TENM3: variants seen among roughly 807,000 people sequenced by gnomAD.
TENM3 encodes the protein teneurin transmembrane protein 3, also known as teneurin-3.
A neutral mutation model predicts 255.1 loss-of-function variants in TENM3; 63 were observed. The observed-to-expected ratio is 0.25, with a 90% CI of 0.20 to 0.30. TENM3 has a LOEUF of 0.30. Among genes scored for constraint, TENM3 ranks in the 10% least tolerant of loss-of-function variants. The pLI is 1.00. For synonymous variants in TENM3, 1,306 were observed against 1,322.3 expected (o/e 0.99, Z 0.27); for missense variants, 2,929 against 3,461.1 (o/e 0.85, Z 3.86).
chr4:182,313,215 G>A (rs1029912493), intron 1 of TENM3, among the ~76,000 whole-genome samples: 10 of 151,382 alleles, frequency 6.6e-5, no homozygotes, highest in Non-Finnish European at 1.2e-4. Flanking sequence ...TATAGCCTAA[G>A]GCACTGTTCT....
At chr4:181,909,148 A>G in the TENM3 span, among the ~76,000 whole-genome samples, 1 of 152,096 alleles carries the variant, frequency 6.6e-6, no homozygotes, top group Admixed American at 6.6e-5. Context: ...TTTTGCCTAC[A>G]CACCTTATCA....
the TENM3 span, among the ~76,000 whole-genome samples, chr4:181,518,110 C>T: frequency 5.2e-4 from 79 of 152,232 alleles, 1 homozygote; most frequent in South Asian, 0.016. Flanking sequence ...GTATAATTGA[C>T]CTCCTTTAGC....
the TENM3 span, among the ~76,000 whole-genome samples, chr4:181,615,936 T>C: frequency 6.6e-6 from 1 of 152,178 alleles, no homozygotes; most frequent in Non-Finnish European, 1.5e-5. Context: ...CAGAAAAATT[T>C]TAAGTACTTT....
chr4:182,004,866 T>C, the TENM3 span, among the ~76,000 whole-genome samples: 338 of 152,358 alleles, frequency 2.2e-3, 1 homozygote, highest in African/African-American at 7.8e-3. Flanking sequence ...CATGTAAATG[T>C]CTTCTTTTGA....
At chr4:182,235,212 G>T (rs1756820496) in intron 1 of TENM3, among the ~76,000 whole-genome samples, 1 of 152,154 alleles carries the variant, frequency 6.6e-6, no homozygotes, top group Non-Finnish European at 1.5e-5. Context: ...TTATAGCTCT[G>T]AAATGCCTTG....
chr4:181,949,503 A>G, the TENM3 span, among the ~76,000 whole-genome samples: 2 of 152,288 alleles, frequency 1.3e-5, no homozygotes, highest in East Asian at 3.9e-4. Context: ...CTCAAAATCA[A>G]TTTGAAATCA....
intron 1 of TENM3, among the ~76,000 whole-genome samples, chr4:182,230,593 C>T (rs994395979): frequency 5.3e-5 from 8 of 151,614 alleles, no homozygotes; most frequent in African/African-American, 1.2e-4. Context: ...TGGTCTGTGC[C>T]GAGCATCCCT....
At chr4:181,501,763 CAATTG>C in the TENM3 span, among the ~76,000 whole-genome samples, 9 of 152,114 alleles carry the variant, frequency 5.9e-5, no homozygotes, top group African/African-American at 2.2e-4. Flanking sequence ...GAAAACAGGG[CAATTG>C]AATTAATTGA....
the TENM3 span, among the ~76,000 whole-genome samples, chr4:181,741,794 C>A: frequency 1.3e-5 from 2 of 152,134 alleles, no homozygotes; most frequent in Non-Finnish European, 2.9e-5. Context: ...AAAACCAGCT[C>A]AGTCTATTCT....
chr4:181,545,961 C>A, the TENM3 span, among the ~76,000 whole-genome samples: 2 of 152,116 alleles, frequency 1.3e-5, no homozygotes, highest in African/African-American at 2.4e-5. Flanking sequence ...CACATATATG[C>A]AAGGAGTAAA....
chr4:182,261,135 A>G (rs1053701661), intron 1 of TENM3, among the ~76,000 whole-genome samples: 2 of 152,116 alleles, frequency 1.3e-5, no homozygotes, highest in African/African-American at 4.8e-5. Context: ...CAGTCTCCCA[A>G]AGTGCTGGAA....
the TENM3 span, among the ~76,000 whole-genome samples, chr4:182,079,016 G>A: frequency 5.9e-5 from 9 of 152,176 alleles, no homozygotes; most frequent in African/African-American, 1.9e-4. Flanking sequence ...TTCCATTAGT[G>A]ATAATTAGTA....
At chr4:182,609,810 AC>A (rs1748815545) in intron 4 of TENM3, among the ~76,000 whole-genome samples, 1 of 144,986 alleles carries the variant, frequency 6.9e-6, no homozygotes, top group African/African-American at 2.4e-5. Flanking sequence ...ATACTTCACA[AC>A]GACTTTATAA....
At chr4:182,644,880 G>A (rs564736624) in intron 5 of TENM3, among the ~76,000 whole-genome samples, 6 of 152,040 alleles carry the variant, frequency 3.9e-5, no homozygotes, top group African/African-American at 9.6e-5. Flanking sequence ...TTTTGACCAC[G>A]ATCAATGACT....
chr4:181,873,192 C>T, the TENM3 span, among the ~76,000 whole-genome samples: 3 of 151,950 alleles, frequency 2.0e-5, no homozygotes, highest in African/African-American at 7.3e-5. Context: ...CTCAGCCTCC[C>T]GAGTAGCTGA....
At chr4:182,602,591 G>A (rs1001959966) in intron 4 of TENM3, among the ~76,000 whole-genome samples, 3 of 152,148 alleles carry the variant, frequency 2.0e-5, no homozygotes, top group Non-Finnish European at 2.9e-5. Context: ...TATCAGCCAC[G>A]AGTAGTTGAG....
chr4:182,177,899 A>G (rs1480890492), intron 1 of TENM3, among the ~76,000 whole-genome samples: 1 of 149,976 alleles, frequency 6.7e-6, no homozygotes, highest in African/African-American at 2.5e-5. Context: ...GATTTAATCT[A>G]TGGGCAAAAG....
At chr4:182,741,583 C>T (rs1761610543) in intron 18 of TENM3, among the ~76,000 whole-genome samples, 1 of 152,164 alleles carries the variant, frequency 6.6e-6, no homozygotes, top group Non-Finnish European at 1.5e-5. Context: ...GAAAATTACA[C>T]AACTGGCTCT....
the TENM3 span, among the ~76,000 whole-genome samples, chr4:181,581,042 C>G: frequency 6.6e-6 from 1 of 152,118 alleles, no homozygotes. Flanking sequence ...TTTCCCCATG[C>G]TTCTCAGCTC....
Sources: allele counts gnomAD v4.1 joint callset (sites outside exome capture counted in the v4.1 genomes callset), GRCh38; gene constraint gnomAD v4.1.1; transcripts MANE v1.5; gene names NCBI Gene and HGNC (gene_info 2026-07-23, HGNC 2026-07-21).